The following TAP1 variants were observed in gnomAD, a reference collection of about 807,000 sequenced individuals.
TAP1 encodes antigen peptide transporter 1.
Under a neutral mutation model 79.3 loss-of-function variants are expected in TAP1, and 56 were observed. The ratio of observed to expected loss-of-function variants is 0.71; its 90% CI spans 0.57 to 0.88. The LOEUF (loss-of-function observed/expected upper bound fraction) is 0.88. Ranked by LOEUF, TAP1 falls within the 40% of genes least tolerant of loss-of-function variation. TAP1 has a pLI of 0.00. For missense variants in TAP1, 737 were observed against 936.3 expected (o/e 0.79, Z 2.78); for synonymous variants, 355 against 401.4 (o/e 0.88, Z 1.38).
At position 32,849,026 on chromosome 6, in the gene TAP1, A is replaced by G; in HGVS notation, c.1341T>C (p.Phe447=). ...GGGTGAACTGCATCTGGTAGAGAACAAATGTGACAAGGTTCCCACTGCTTA... is the reference window on the plus strand; with the variant it reads ...GGGTGAACTGCATCTGGTAGAGAACGAATGTGACAAGGTTCCCACTGCTTA... The part of the protein sequence containing the change: ...GAVSSGNLVT[F]VLYQMQFTQA... The change falls in exon 6 of 11, where the codon TTT becomes TTC. Residue 447 remains phenylalanine, a synonymous_variant. Coordinates refer to ENST00000354258, the MANE Select transcript of TAP1 (RefSeq NM_000593.6). The G allele has an allele frequency of 1.2e-6, 2 of 1,609,450 alleles. No homozygotes were observed. Among genetic ancestry groups the G allele is most frequent in the Non-Finnish European group, 1.7e-6 (2 of 1,178,480 alleles).
Position 32,852,363 on chromosome 6 carries a change from G to C in TAP1, c.713+25C>G, listed in dbSNP as rs183998037. On this transcript the variant is annotated intron_variant, in intron 2 of 10. Coordinates refer to ENST00000354258, the MANE Select transcript of TAP1 (RefSeq NM_000593.6). This position sits in a 1 kb window ranked among gnomAD's most constrained non-coding sequence, Gnocchi z 4.8. ...CAACTTCCAACTCCCTCATTTGCAG[G>C]GTGCCCCATTTTCAGCCCCCAGACC... is the stretch of plus-strand genomic sequence containing the variant. 2.5e-6 allele frequency: 4 copies of C among 1,612,884 alleles called. No homozygotes were observed. Among genetic ancestry groups the C allele is most frequent in the Admixed American group, 3.3e-5 (2 of 60,010 alleles).
chr6:32,848,971 G>A lies in TAP1; in HGVS notation c.1377+19C>T, dbSNP rs1582633258. The A allele has an allele frequency of 1.2e-6, 2 of 1,612,760 alleles. No individual in the cohort carries two copies. The highest frequency in any genetic ancestry group is 1.3e-5 in the African/African-American group (1 of 74,890). ...AGAGGAAGGAATCACACTGGGGAGT[G>A]AAGGTGGAGGGACCTCACCTCCACA... On this transcript the variant is annotated intron_variant, in intron 6 of 10. Transcript: ENST00000354258.
At position 32,847,935 on chromosome 6, in the gene TAP1, C is replaced by T. The variant is rs1374606443; in HGVS notation, c.1724G>A (p.Arg575His). The T allele has an allele frequency of 5.6e-6, 9 of 1,612,980 alleles. No homozygotes were observed. Among genetic ancestry groups the T allele is most frequent in the East Asian group, 2.2e-5 (1 of 44,900 alleles). ...CTTCCATACCTGCCTGTGCAGGTAG[C>T]GGTGCTCATATTGGGGAAGGGGCTT... The part of the protein sequence containing the change: ...DGKPLPQYEH[R>H]YLHRQVAAVG... Residue 575 changes from arginine (R) to histidine (H), a missense_variant, in exon 8 of 11, where the codon CGC becomes CAC. Physicochemically the swap from Arg to His is conservative, Grantham distance 29. Around this residue, in one of 5 missense-constraint regions of TAP1, gnomAD observed 266 missense variants for 332.4 expected, o/e 0.80. Coordinates refer to ENST00000354258, the MANE Select transcript of TAP1 (RefSeq NM_000593.6). The surrounding 1 kb of genome is among the most constrained non-coding windows in gnomAD (Gnocchi z 4.7).
chr6:32,850,217 C>T lies in TAP1; in HGVS notation c.1248+103G>A, dbSNP rs540166474. ...TGCTAGGACGAAAATACTGAACCAACCATTTCCCAGTAAAGGAGGAGTGGG... is the reference window on the plus strand; with the variant it reads ...TGCTAGGACGAAAATACTGAACCAATCATTTCCCAGTAAAGGAGGAGTGGG... On this transcript the variant is annotated intron_variant, in intron 5 of 10. Transcript: ENST00000354258. The surrounding 1 kb of genome is among the most constrained non-coding windows in gnomAD (Gnocchi z 5.5). 1.4e-5 allele frequency: 18 copies of T among 1,313,820 alleles called. No individual in the cohort carries two copies. The African/African-American group carries it at 1.4e-4, about 11-fold the overall frequency. 81.4% of individuals were successfully genotyped at this position (1,313,820 alleles called of 1,614,324 possible).
At position 32,851,516 on chromosome 6, in the gene TAP1, C is replaced by T. The variant is rs1268165568; in HGVS notation, c.845-367G>A. 6.6e-6 allele frequency among the ~76,000 whole-genome samples: 1 copy of T among 152,078 alleles called. No individual in the cohort carries two copies. The highest frequency in any genetic ancestry group is 1.5e-5 in the Non-Finnish European group (1 of 68,018). ...AGGAGGGTGCTGCTAGGAAGCATGC[C>T]AAAGTCTGTGGAGCACTCACTGGGA... On this transcript the variant is annotated intron_variant, in intron 3 of 10. Coordinates refer to ENST00000354258, the MANE Select transcript of TAP1 (RefSeq NM_000593.6). The surrounding 1 kb of genome is among the most constrained non-coding windows in gnomAD (Gnocchi z 4.8).
At chr6:32,848,603 G>A in intron 7 of TAP1, 49 bp downstream of exon 7, 3 of 1,597,708 alleles carry the variant, frequency 1.9e-6, no homozygotes, top group Non-Finnish European at 2.6e-6. Flanking sequence ...ATTTAGGATG[G>A]CAGAATTGCA....
At chr6:32,846,490 T>A (rs1373136670) in intron 10 of TAP1, 1 of 168,070 alleles carries the variant, frequency 5.9e-6, no homozygotes, top group Non-Finnish European at 1.3e-5. Context: ...AACGATATTA[T>A]GAGGATGGTC....
chr6:32,850,885 A>C lies in TAP1; in HGVS notation c.1050+59T>G, dbSNP rs1180928930. On this transcript the variant is annotated intron_variant, in intron 4 of 10. Transcript: ENST00000354258. The surrounding 1 kb of genome is among the most constrained non-coding windows in gnomAD (Gnocchi z 5.5). ...ACTGAAAGCAATGTGAGAGGAACTG[A>C]GTCTGCCAAGTCTGGGAGATGAGGG... 1.4e-6 allele frequency: 2 copies of C among 1,461,538 alleles called. No homozygotes were observed. The highest frequency in any genetic ancestry group is 1.9e-6 in the Non-Finnish European group (2 of 1,044,210). 90.5% of individuals were successfully genotyped at this position (1,461,538 alleles called of 1,614,324 possible). A position where few individuals can be genotyped will look rare whatever the true frequency, so the allele number is the denominator to read the frequency against.
At position 32,852,892 on chromosome 6, in the gene TAP1, C is replaced by T. The variant is rs969539082; in HGVS notation, c.598+147G>A. The stretch of plus-strand genomic sequence containing the variant: ...CAGTCCAGTGCCGTTTCTTCTACAC[C>T]GAAGTGGTGTTCCAAGACCCACGCT... On this transcript the variant is annotated intron_variant, in intron 1 of 10. Transcript: ENST00000354258. The surrounding 1 kb of genome is among the most constrained non-coding windows in gnomAD (Gnocchi z 4.8). 9.0e-6 allele frequency: 13 copies of T among 1,451,344 alleles called. No homozygotes were observed. Among genetic ancestry groups the T allele is most frequent in the Non-Finnish European group, 1.2e-5 (13 of 1,101,850 alleles). The allele number at this position is 1,451,344 out of a possible 1,614,324, so 89.9% of individuals were successfully genotyped here.
Position 32,848,792 on chromosome 6 carries a change from C to T in TAP1, c.1426G>A (p.Glu476Lys), listed in dbSNP as rs1770604216. The T allele has an allele frequency of 1.9e-6, 3 of 1,614,080 alleles. No homozygotes were observed. The highest frequency in any genetic ancestry group is 1.1e-5 in the South Asian group (1 of 91,068). Residue 476 changes from glutamate to lysine, a missense_variant, in exon 7 of 11, where the codon GAG becomes AAG. Glu to Lys is a moderately conservative substitution (Grantham distance 56, BLOSUM62 1). Transcript: ENST00000354258. ...CGGTCCAGGTACTCAAATATTTTCT[C>T]TGAGGAGCCCACAGCCTTCTGTACT... The part of the protein sequence containing the change: ...PRVQKAVGSS[E>K]KIFEYLDRTP...
At chr6:32,848,292 A>ATAGTGGTGCTGGGTCTCTGCCCTT in intron 7 of TAP1, 200 bp from the exon 8 acceptor site, 1 of 697,526 alleles carries the variant, frequency 1.4e-6, no homozygotes, top group Non-Finnish European at 2.4e-6. Flanking sequence ...AGACAAGGGC[A>ATAGTGGTGCTGGGTCTCTGCCCTT]GAGACCCAGC....
chr6:32,848,553 AT>A, intron 7 of TAP1, 98 bp downstream of exon 7: 1 of 1,278,474 alleles, frequency 7.8e-7, no homozygotes, highest in South Asian at 1.2e-5. Context: ...GTTAGGGAGG[AT>A]ATATGCTTGG....
Position 32,851,219 on chromosome 6 carries a change from AGCCAGGAT to A in TAP1, c.845-78_845-71del. 1 of 1,490,800 alleles carries A rather than the reference AGCCAGGAT, an allele frequency of 6.7e-7. No homozygotes were observed. The highest frequency in any genetic ancestry group is 9.2e-7 in the Non-Finnish European group (1 of 1,081,464). 92.3% of individuals were successfully genotyped at this position (1,490,800 alleles called of 1,614,324 possible). On this transcript the variant is annotated intron_variant, in intron 3 of 10. Transcript: ENST00000354258. The surrounding 1 kb of genome is among the most constrained non-coding windows in gnomAD (Gnocchi z 4.8). ...CAAGTGATGAGACGAACTAACAATG[AGCCAGGAT>A]GCCAGGGTCAGGGGTGTCAACATGG... is the stretch of plus-strand genomic sequence containing the variant.
rs757944776 is a variant in TAP1, at chr6:32,853,190, G to A, written c.447C>T (p.Pro149=). Residue 149 remains proline, a synonymous_variant, in exon 1 of 11, where the codon CCC becomes CCT. Coordinates refer to ENST00000354258, the MANE Select transcript of TAP1 (RefSeq NM_000593.6). This position sits in a 1 kb window ranked among gnomAD's most constrained non-coding sequence, Gnocchi z 8.3. ...CGAGTTTGTGCCACAGGGCTGCTGC[G>A]GGCAGTGCCGCTGCATAACTGACAA... ...AFVVSYAAAL[P]AAALWHKLGS... 190 of 1,612,210 alleles carry A rather than the reference G, an allele frequency of 1.2e-4. No individual in the cohort carries two copies. The highest frequency in any genetic ancestry group is 1.2e-4 in the Admixed American group (7 of 59,920).
chr6:32,851,137 G>A lies in TAP1; in HGVS notation c.857C>T (p.Ser286Phe), dbSNP rs2228111. ...GGTGGACGTGTCCTCTGTTACCCGAGACATGATGTTACCTGCAGGGTTGGG... is the reference window on the plus strand; with the variant it reads ...GGTGGACGTGTCCTCTGTTACCCGAAACATGATGTTACCTGCAGGGTTGGG... The part of the protein sequence containing the change: ...FQQNQTGNIM[S>F]RVTEDTSTLS... The change falls in exon 4 of 11, where the codon TCT becomes TTT. Residue 286 changes from serine (S) to phenylalanine (F), a missense_variant. By Grantham distance (155) the Ser-to-Phe change is radical. Transcript: ENST00000354258. The surrounding 1 kb of genome is among the most constrained non-coding windows in gnomAD (Gnocchi z 4.8). 2,831 of 1,612,910 alleles carry A rather than the reference G, an allele frequency of 1.8e-3. 43 individuals are homozygous for A. In the African/African-American group the frequency reaches 0.031, roughly 18 times the overall value.
Position 32,847,689 on chromosome 6 carries a change from T to C in TAP1, c.1741-14A>G. 1 of 1,613,454 alleles carries C rather than the reference T, an allele frequency of 6.2e-7. No individual in the cohort carries two copies. Among genetic ancestry groups the C allele is most frequent in the Non-Finnish European group, 8.5e-7 (1 of 1,179,928 alleles). ...CACTGCAGCCACCTGAGATGAAATA[T>C]GATGAAGAGTCATAGAACAAGGCAC... On this transcript the variant is annotated splice_polypyrimidine_tract_variant and intron_variant, in intron 8 of 10. Coordinates refer to ENST00000354258, the MANE Select transcript of TAP1 (RefSeq NM_000593.6). The surrounding 1 kb of genome is among the most constrained non-coding windows in gnomAD (Gnocchi z 4.7).
chr6:32,849,054 G>A lies in TAP1; in HGVS notation c.1313C>T (p.Ala438Val), dbSNP rs761169253. ...TGTGACAAGGTTCCCACTGCTTACA[G>A]CCCCACTGGTCACCAGCTGCCCACC... ...YIGGQLVTSGAVSSGNLVTFV... is the reference protein window; with the variant it reads ...YIGGQLVTSGVVSSGNLVTFV... The change falls in exon 6 of 11, where the codon GCT becomes GTT. Residue 438 changes from alanine (A) to valine (V), a missense_variant. Ala to Val is a moderately conservative substitution (Grantham distance 64). This residue lies in a region of TAP1 where 406 missense variants were observed against 477.2 expected (regional missense o/e 0.85). Coordinates refer to ENST00000354258, the MANE Select transcript of TAP1 (RefSeq NM_000593.6). 1.1e-5 allele frequency: 17 copies of A among 1,603,070 alleles called. No homozygotes were observed. In the Admixed American group the frequency reaches 2.9e-4, roughly 28 times the overall value.
Position 32,852,927 on chromosome 6 carries a change from TCTC to T in TAP1, c.598+109_598+111del. The T allele has an allele frequency of 1.3e-6, 2 of 1,490,902 alleles. No homozygotes were observed. Among genetic ancestry groups the T allele is most frequent in the East Asian group, 4.9e-5 (2 of 40,456 alleles). 92.4% of individuals were successfully genotyped at this position (1,490,902 alleles called of 1,614,324 possible). On this transcript the variant is annotated intron_variant, in intron 1 of 10. Coordinates refer to ENST00000354258, the MANE Select transcript of TAP1 (RefSeq NM_000593.6). This position sits in a 1 kb window ranked among gnomAD's most constrained non-coding sequence, Gnocchi z 4.8. ...TTCCAAGACCCACGCTAGGAGTCCTTCTCCTGCTCCACATTTCCCAGAACCCAC... is the reference window on the plus strand; with the variant it reads ...TTCCAAGACCCACGCTAGGAGTCCTTCTGCTCCACATTTCCCAGAACCCAC...
intron 7 of TAP1, 141 bp downstream of exon 7, chr6:32,848,511 G>T: frequency 1.0e-6 from 1 of 1,002,452 alleles, no homozygotes; most frequent in Non-Finnish European, 1.6e-6. Flanking sequence ...AAGATTTATG[G>T]AACAGATGAT....
Sources: gnomAD v4.1 joint callset for allele counts (sites outside exome capture counted in the v4.1 genomes callset) on GRCh38, gnomAD v4.1.1 for gene constraint, gnomAD v4.1.1 regional missense constraint, Gnocchi (gnomAD v3.1) non-coding constraint, MANE v1.5 for transcripts, NCBI Gene and HGNC (gene_info 2026-07-23, HGNC 2026-07-21) for gene names.